Variants in PHACTR1 observed in about 807,000 individuals in gnomAD.
The protein encoded by PHACTR1 is RPEL repeat containing 1.
In PHACTR1, 16 loss-of-function variants were observed where a neutral mutation model predicts 69.2. The observed-to-expected ratio is 0.23, with a 90% confidence interval of 0.16 to 0.35. The LOEUF (loss-of-function observed/expected upper bound fraction) is 0.35. Ranked by LOEUF, PHACTR1 falls within the 10% of genes least tolerant of loss-of-function variation. The probability of loss-of-function intolerance (pLI) is 1.00; values close to 1 mark genes in which losing one functional copy is unlikely to be tolerated. For missense variants in PHACTR1, 510 were observed against 734.7 expected (o/e 0.69, Z 3.54); for synonymous variants, 312 against 284.5 (o/e 1.10, Z -0.97).
At chr6:12,756,023 T>C (rs573645948) in intron 4 of PHACTR1, among the ~76,000 whole-genome samples, 3 of 152,332 alleles carry the variant, frequency 2.0e-5, no homozygotes, top group East Asian at 3.9e-4. Flanking sequence ...GTTCATCACC[T>C]ACCAGTCATA....
At chr6:12,805,577 T>TTCTCTC (rs771502790) in intron 4 of PHACTR1, among the ~76,000 whole-genome samples, 8 of 151,776 alleles carry the variant, frequency 5.3e-5, no homozygotes, top group Non-Finnish European at 5.9e-5. Context: ...CTTTCTTTCT[T>TTCTCTC]TCTCTCTCTC....
chr6:13,041,794 C>T (rs549962904), intron 4 of PHACTR1, among the ~76,000 whole-genome samples: 8 of 152,258 alleles, frequency 5.3e-5, no homozygotes, highest in African/African-American at 1.9e-4. Flanking sequence ...TGGTCTTGAG[C>T]ATCCTCAAAC....
intron 8 of PHACTR1, among the ~76,000 whole-genome samples, chr6:13,206,339 C>T (rs906150730): frequency 1.3e-5 from 2 of 152,132 alleles, no homozygotes; most frequent in Non-Finnish European, 2.9e-5. Context: ...CTGGAATAAT[C>T]ACATTTATCG....
At chr6:12,788,670 C>T (rs1002953934) in intron 4 of PHACTR1, among the ~76,000 whole-genome samples, 1 of 152,054 alleles carries the variant, frequency 6.6e-6, no homozygotes, top group African/African-American at 2.4e-5. Context: ...GAAAAGTGGC[C>T]AAGGCCTTGT....
chr6:12,991,149 A>G (rs1796775153), intron 4 of PHACTR1, among the ~76,000 whole-genome samples: 1 of 152,148 alleles, frequency 6.6e-6, no homozygotes, highest in Admixed American at 6.5e-5. Context: ...CCTCCTGTCC[A>G]TATCGCTATT....
intron 10 of PHACTR1, among the ~76,000 whole-genome samples, chr6:13,269,681 A>G (rs1375481638): frequency 6.6e-6 from 1 of 152,090 alleles, no homozygotes; most frequent in African/African-American, 2.4e-5. Flanking sequence ...AAATACAAAA[A>G]ACTAGCACGG....
At chr6:13,209,359 A>G (rs540070402) in intron 8 of PHACTR1, among the ~76,000 whole-genome samples, 1 of 152,298 alleles carries the variant, frequency 6.6e-6, no homozygotes, top group Non-Finnish European at 1.5e-5. Context: ...TCATTTCTCT[A>G]TCCTCCTGGC....
intron 4 of PHACTR1, among the ~76,000 whole-genome samples, chr6:13,038,553 G>T (rs1044588788): frequency 6.6e-6 from 1 of 151,632 alleles, no homozygotes; most frequent in South Asian, 2.1e-4. Context: ...CTTATAAAAG[G>T]TTCTGAAATT....
chr6:12,749,905 C>G (rs1766366675), intron 4 of PHACTR1, 115 bp downstream of exon 4: 2 of 1,007,746 alleles, frequency 2.0e-6, no homozygotes, highest in East Asian at 5.5e-5. Flanking sequence ...GTCGGGCGCT[C>G]AGCACTCGCG....
chr6:13,229,560 G>T (rs746741228), intron 9 of PHACTR1, among the ~76,000 whole-genome samples: 2 of 151,718 alleles, frequency 1.3e-5, no homozygotes, highest in Non-Finnish European at 2.9e-5. Context: ...CAGTGTAGTT[G>T]ATCTTTTCTG....
At chr6:12,845,422 A>ACCCCCC (rs879435671) in intron 4 of PHACTR1, among the ~76,000 whole-genome samples, 22 of 12,828 alleles carry the variant, frequency 1.7e-3, no homozygotes, top group African/African-American at 2.5e-3. Flanking sequence ...CATTGTGAAC[A>ACCCCCC]CCACCCACCC....
intron 4 of PHACTR1, among the ~76,000 whole-genome samples, chr6:12,907,364 C>A (rs1785857947): frequency 6.6e-6 from 1 of 152,202 alleles, no homozygotes; most frequent in Admixed American, 6.5e-5. Context: ...GTTTGAAAAT[C>A]ATGAGCAATT....
At chr6:13,244,533 C>G (rs1174447715) in intron 10 of PHACTR1, among the ~76,000 whole-genome samples, 1 of 152,302 alleles carries the variant, frequency 6.6e-6, no homozygotes, top group East Asian at 1.9e-4. Context: ...CCCCGGGGGG[C>G]CAGTTCAAGT....
chr6:13,149,000 G>A (rs1823873368), intron 5 of PHACTR1, among the ~76,000 whole-genome samples: 1 of 152,200 alleles, frequency 6.6e-6, no homozygotes, highest in Non-Finnish European at 1.5e-5. Context: ...AGGTCATCAT[G>A]TCTTCCTAAC....
At chr6:12,727,248 C>T (rs540983485) in intron 3 of PHACTR1, among the ~76,000 whole-genome samples, 6 of 152,234 alleles carry the variant, frequency 3.9e-5, no homozygotes, top group African/African-American at 1.4e-4. Context: ...GAAGGCAGAT[C>T]GAGAGAAAAA....
At chr6:13,069,694 T>G (rs771461816) in intron 5 of PHACTR1, among the ~76,000 whole-genome samples, 1 of 152,204 alleles carries the variant, frequency 6.6e-6, no homozygotes, top group Non-Finnish European at 1.5e-5. Flanking sequence ...TAGAATGTGC[T>G]TCAACAATGT....
At chr6:12,898,681 C>T (rs752472836) in intron 4 of PHACTR1, among the ~76,000 whole-genome samples, 20 of 152,206 alleles carry the variant, frequency 1.3e-4, no homozygotes, top group Non-Finnish European at 2.6e-4. Flanking sequence ...TCCATTCTTT[C>T]GGATCCAGTC....
intron 6 of PHACTR1, among the ~76,000 whole-genome samples, chr6:13,173,182 T>G (rs1035721259): frequency 6.6e-6 from 1 of 152,256 alleles, no homozygotes; most frequent in African/African-American, 2.4e-5. Context: ...AGAACTAATG[T>G]ATTTGGTTGG....
At chr6:12,819,861 C>T (rs1776005340) in intron 4 of PHACTR1, among the ~76,000 whole-genome samples, 1 of 152,152 alleles carries the variant, frequency 6.6e-6, no homozygotes, top group African/African-American at 2.4e-5. Flanking sequence ...AGTTCAGTAA[C>T]CATCCTCATT....
Sources: allele counts gnomAD v4.1 joint callset (sites outside exome capture counted in the v4.1 genomes callset), GRCh38; gene constraint gnomAD v4.1.1; transcripts MANE v1.5; gene names NCBI Gene and HGNC (gene_info 2026-07-23, HGNC 2026-07-21).